RRAS2: variants seen among roughly 807,000 people sequenced by gnomAD.
RRAS2 encodes RAS related 2, also known as ras-related protein R-Ras2.
Under a neutral mutation model 27.6 loss-of-function variants are expected in RRAS2, and 7 were observed. The ratio of observed to expected loss-of-function variants is 0.25; its 90% CI spans 0.14 to 0.48. The LOEUF is 0.48. RRAS2 is among the 20% of genes least tolerant of loss of function. The pLI is 0.99. For synonymous variants in RRAS2, 86 were observed against 90.9 expected (o/e 0.95, Z 0.31); for missense variants, 178 against 256.2 (o/e 0.69, Z 2.08).
At chr11:14,339,499 T>C (rs1358332918) in intron 1 of RRAS2, among the ~76,000 whole-genome samples, 2 of 152,198 alleles carry the variant, frequency 1.3e-5, no homozygotes, top group East Asian at 3.8e-4. Context: ...ATTAAATTTG[T>C]TGTAATTTTG....
intron 1 of RRAS2, among the ~76,000 whole-genome samples, chr11:14,328,062 C>T (rs1848401585): frequency 6.6e-6 from 1 of 152,074 alleles, no homozygotes; most frequent in African/African-American, 2.4e-5. Context: ...GTACATAAGG[C>T]TAACAGTAAA....
intron 1 of RRAS2, among the ~76,000 whole-genome samples, chr11:14,340,630 T>C (rs982202885): frequency 1.1e-4 from 16 of 152,192 alleles, no homozygotes; most frequent in African/African-American, 3.9e-4. Flanking sequence ...CTTTTTCAAG[T>C]TCTCAAAAAT....
intron 1 of RRAS2, among the ~76,000 whole-genome samples, chr11:14,333,644 C>G (rs1424570967): frequency 1.4e-5 from 2 of 143,942 alleles, no homozygotes. Flanking sequence ...TCCCCACCCC[C>G]ACCCTGCCCC....
intron 1 of RRAS2, among the ~76,000 whole-genome samples, chr11:14,333,994 C>T (rs1564976407): frequency 6.6e-6 from 1 of 152,184 alleles, no homozygotes; most frequent in Admixed American, 6.5e-5. Flanking sequence ...TGACATGGAC[C>T]ATATTTAATC....
At chr11:14,290,578 G>A (rs563960553) in intron 4 of RRAS2, among the ~76,000 whole-genome samples, 1 of 152,224 alleles carries the variant, frequency 6.6e-6, no homozygotes, top group Non-Finnish European at 1.5e-5. Flanking sequence ...CAGAGCCCAA[G>A]ACACTTTAGA....
At chr11:14,352,161 T>C (rs1165655776) in intron 1 of RRAS2, among the ~76,000 whole-genome samples, 2 of 152,228 alleles carry the variant, frequency 1.3e-5, no homozygotes, top group Admixed American at 1.3e-4. Flanking sequence ...GATAAAGAGC[T>C]TTCTCCCAGA....
chr11:14,283,804 G>T (rs535406219), intron 4 of RRAS2, among the ~76,000 whole-genome samples: 8 of 151,800 alleles, frequency 5.3e-5, no homozygotes, highest in Non-Finnish European at 8.8e-5. Flanking sequence ...TGATCATTCC[G>T]GCAAGAGTCT....
At position 14,320,011 on chromosome 11, in the gene RRAS2, C is replaced by A. The variant is rs547779755; in HGVS notation, c.109-24156G>T. On this transcript the variant is annotated intron_variant, in intron 1 of 5. Coordinates refer to ENST00000256196, the MANE Select transcript of RRAS2 (RefSeq NM_012250.6). ...AATGTTTAAAGAATGGGAATGATAGCAGAAGAAAAATGTCACCATGAGAGA... is the reference window on the plus strand; with the variant it reads ...AATGTTTAAAGAATGGGAATGATAGAAGAAGAAAAATGTCACCATGAGAGA... Among the ~76,000 whole-genome samples, 3 of 152,216 alleles carry A rather than the reference C, an allele frequency of 2.0e-5. No homozygotes were observed. The South Asian group carries it at 6.2e-4, about 32-fold the overall frequency.
intron 1 of RRAS2, among the ~76,000 whole-genome samples, chr11:14,355,887 A>C (rs868994440): frequency 2.6e-5 from 4 of 152,348 alleles, no homozygotes; most frequent in Middle Eastern, 6.8e-3. Flanking sequence ...GGTGGAATGA[A>C]TTTTAACATT....
chr11:14,298,152 C>T (rs963042526), intron 1 of RRAS2, among the ~76,000 whole-genome samples: 9 of 152,160 alleles, frequency 5.9e-5, no homozygotes, highest in Non-Finnish European at 1.5e-5. Context: ...TTGGATAAAG[C>T]ATGCGCTGTA....
At chr11:14,342,004 A>C in intron 1 of RRAS2, 1 of 695,242 alleles carries the variant, frequency 1.4e-6, no homozygotes, top group Non-Finnish European at 2.0e-6. Flanking sequence ...TGGAGAGGAC[A>C]CCACTGCAAA....
At chr11:14,335,761 G>A (rs1848576643) in intron 1 of RRAS2, among the ~76,000 whole-genome samples, 1 of 152,130 alleles carries the variant, frequency 6.6e-6, no homozygotes, top group Admixed American at 6.5e-5. Flanking sequence ...TGAGTTTCCT[G>A]GGTTTTCTTT....
chr11:14,355,639 T>C (rs533129632), intron 1 of RRAS2, among the ~76,000 whole-genome samples: 143 of 152,296 alleles, frequency 9.4e-4, no homozygotes, highest in Non-Finnish European at 1.8e-3. Flanking sequence ...AAAGTTAGGG[T>C]AAAAGGCATT....
At chr11:14,336,224 C>T (rs1477550561) in intron 1 of RRAS2, among the ~76,000 whole-genome samples, 1 of 152,162 alleles carries the variant, frequency 6.6e-6, no homozygotes, top group Non-Finnish European at 1.5e-5. Flanking sequence ...TGCCTCACCT[C>T]ACAGTAACAA....
chr11:14,286,239 T>C (rs1204766750), intron 4 of RRAS2, among the ~76,000 whole-genome samples: 1 of 152,244 alleles, frequency 6.6e-6, no homozygotes, highest in Non-Finnish European at 1.5e-5. Context: ...GGTCATATTT[T>C]CTTGCTTCTT....
At chr11:14,309,463 A>G (rs1273138011) in intron 1 of RRAS2, among the ~76,000 whole-genome samples, 2 of 152,216 alleles carry the variant, frequency 1.3e-5, no homozygotes, top group Non-Finnish European at 2.9e-5. Flanking sequence ...ACCATCAATA[A>G]ATAAGCAAAC....
intron 1 of RRAS2, among the ~76,000 whole-genome samples, chr11:14,305,149 C>T: frequency 6.6e-6 from 1 of 152,088 alleles, no homozygotes; most frequent in East Asian, 1.9e-4. Context: ...ATTTGCCTTC[C>T]ATACATTTTC....
At chr11:14,287,915 A>G (rs1001654235) in intron 4 of RRAS2, among the ~76,000 whole-genome samples, 1 of 151,856 alleles carries the variant, frequency 6.6e-6, no homozygotes, top group Admixed American at 6.6e-5. Flanking sequence ...CGAAATGTTA[A>G]TTAATTCATG....
intron 1 of RRAS2, among the ~76,000 whole-genome samples, chr11:14,355,910 C>CAATGA (rs1849063323): frequency 6.6e-6 from 1 of 152,116 alleles, no homozygotes; most frequent in African/African-American, 2.4e-5. Context: ...AGGAGTCAGG[C>CAATGA]AATGAATAGC....
Sources: allele counts gnomAD v4.1 joint callset (sites outside exome capture counted in the v4.1 genomes callset), GRCh38; gene constraint gnomAD v4.1.1; transcripts MANE v1.5; gene names NCBI Gene and HGNC (gene_info 2026-07-23, HGNC 2026-07-21).